STK31: variants seen among roughly 807,000 people sequenced by gnomAD.
STK31 encodes the protein serine/threonine-protein kinase 31.
In STK31, 89 loss-of-function variants were observed where a neutral mutation model predicts 129.7. That is an observed-to-expected ratio of 0.69 (90% confidence interval 0.58 to 0.82). The LOEUF (loss-of-function observed/expected upper bound fraction) is 0.82, where lower values mean the gene tolerates loss of function less well. Among genes scored for constraint, STK31 ranks in the 40% least tolerant of loss-of-function variants. The pLI, the probability that STK31 is intolerant of heterozygous loss-of-function variation, is 0.00. For synonymous variants in STK31, 448 were observed against 395.3 expected (o/e 1.13, Z -1.58); for missense variants, 1,187 against 1,176.4 (o/e 1.01, Z -0.13).
chr7:23,732,519 G>T (rs1157171114), intron 6 of STK31, among the ~76,000 whole-genome samples: 1 of 152,144 alleles, frequency 6.6e-6, no homozygotes, highest in Admixed American at 6.5e-5. Context: ...TTTATTTCAA[G>T]TTCAGGGTTC....
intron 23 of STK31, among the ~76,000 whole-genome samples, chr7:23,818,172 T>G (rs1471652208): frequency 6.6e-6 from 1 of 152,144 alleles, no homozygotes; most frequent in Non-Finnish European, 1.5e-5. Flanking sequence ...GGTTAATATA[T>G]CTCTTAATCT....
At chr7:23,809,726 G>A (rs1792965214) in intron 22 of STK31, among the ~76,000 whole-genome samples, 1 of 152,284 alleles carries the variant, frequency 6.6e-6, no homozygotes, top group South Asian at 2.1e-4. Flanking sequence ...TGTTTACCCA[G>A]TCTTCTATCT....
intron 9 of STK31, among the ~76,000 whole-genome samples, chr7:23,754,015 G>C (rs990046815): frequency 6.6e-6 from 1 of 151,944 alleles, no homozygotes; most frequent in African/African-American, 2.4e-5. Flanking sequence ...GACTTTCGAA[G>C]TTGCCTTTTT....
intron 6 of STK31, among the ~76,000 whole-genome samples, chr7:23,735,140 T>A (rs575668939): frequency 5.9e-5 from 9 of 152,162 alleles, no homozygotes; most frequent in Non-Finnish European, 1.2e-4. Flanking sequence ...TCTAAAACTT[T>A]CAAAGTTTTG....
chr7:23,736,438 A>G (rs1488272232), intron 7 of STK31, among the ~76,000 whole-genome samples: 7 of 152,094 alleles, frequency 4.6e-5, no homozygotes, highest in African/African-American at 7.2e-5. Flanking sequence ...ACAGTCTTCT[A>G]TATCATGGTC....
chr7:23,832,510 A>G lies in STK31; in HGVS notation c.*144A>G. ...AAAATAAAGATGTTTGGCTATGCAC[A>G]AAATAGTTTGTATGCTTTGAACTTT... On this transcript the variant is annotated 3_prime_UTR_variant, in exon 24 of 24. Coordinates refer to ENST00000355870, the MANE Select transcript of STK31 (RefSeq NM_031414.5). 1 of 648,878 alleles carries G rather than the reference A, an allele frequency of 1.5e-6. No individual in the cohort carries two copies. 40.2% of individuals were successfully genotyped at this position (648,878 alleles called of 1,614,324 possible).
chr7:23,772,072 A>C, intron 14 of STK31, 75 bp from the exon 15 acceptor site: 1 of 1,133,866 alleles, frequency 8.8e-7, no homozygotes, highest in Non-Finnish European at 1.2e-6. Flanking sequence ...ATCTTAACAG[A>C]GAAATAATAA....
At chr7:23,749,983 T>A (rs1022068905) in intron 8 of STK31, among the ~76,000 whole-genome samples, 1 of 151,372 alleles carries the variant, frequency 6.6e-6, no homozygotes, top group African/African-American at 2.4e-5. Context: ...CTCAGCAGGT[T>A]AGGCTCTGCT....
chr7:23,714,131 C>T (rs1028059287), intron 3 of STK31, among the ~76,000 whole-genome samples: 2 of 152,058 alleles, frequency 1.3e-5, no homozygotes, highest in African/African-American at 4.8e-5. Context: ...ACCACAATGT[C>T]ACTATGTGGG....
intron 23 of STK31, among the ~76,000 whole-genome samples, chr7:23,830,974 A>G (rs560657489): frequency 6.6e-6 from 1 of 152,016 alleles, no homozygotes; most frequent in African/African-American, 2.4e-5. Flanking sequence ...TTAGTTTTCC[A>G]TTGTGGTCTG....
In STK31 at chr7:23,808,955, G is replaced by A. The variant is rs1792902423; in HGVS notation, c.2761-6189G>A. On this transcript the variant is annotated intron_variant, in intron 22 of 23. Coordinates refer to ENST00000355870, the MANE Select transcript of STK31 (RefSeq NM_031414.5). ...TTTCTTGGAGCTTTTGTGTGTGTGT[G>A]TGTGTGTGTGTGTGTGCCTGTGTCT... is the stretch of plus-strand genomic sequence containing the variant. Among the ~76,000 whole-genome samples, 4 of 137,580 alleles carry A rather than the reference G, an allele frequency of 2.9e-5. No homozygotes were observed. In the South Asian group the frequency reaches 1.0e-3, roughly 35 times the overall value. The allele number at this position is 137,580 out of a possible 152,430, so 90.3% of individuals were successfully genotyped here.
rs138583296 is a variant in STK31, at chr7:23,771,052, A to G, written c.1761A>G (p.Gln587=). ...AGATAATTTCAAATACATATAGTCA[A>G]GTACTGCAAAAGATTCATTCAGAGG... The part of the protein sequence containing the change: ...DKEIISNTYS[Q]VLQKIHSEER... Residue 587 remains glutamine, a synonymous_variant, in exon 14 of 24, where the codon CAA becomes CAG. Transcript: ENST00000355870. 8.8e-5 allele frequency: 142 copies of G among 1,612,864 alleles called. No homozygotes were observed. Among genetic ancestry groups the G allele is most frequent in the Non-Finnish European group, 1.2e-4 (136 of 1,179,378 alleles).
intron 6 of STK31, among the ~76,000 whole-genome samples, chr7:23,730,878 A>ATTTTTTTTTTTT (rs60712892): frequency 1.3e-4 from 8 of 59,534 alleles, no homozygotes; most frequent in Admixed American, 5.4e-4. Context: ...ATATATATAT[A>ATTTTTTTTTTTT]TTTTTTTTTT....
chr7:23,795,236 C>T (rs1791882987), intron 22 of STK31, among the ~76,000 whole-genome samples: 2 of 152,202 alleles, frequency 1.3e-5, no homozygotes, highest in South Asian at 4.1e-4. Flanking sequence ...CTGTGTCCCA[C>T]CTGCTCCAGT....
At chr7:23,769,606 TG>T (rs1790059277) in intron 12 of STK31, 33 bp from the exon 13 acceptor site, 1 of 1,375,174 alleles carries the variant, frequency 7.3e-7, no homozygotes, top group African/African-American at 1.4e-5. Context: ...TTGAATTAAA[TG>T]AGATATTTCA....
intron 11 of STK31, among the ~76,000 whole-genome samples, chr7:23,766,677 G>A (rs183547947): frequency 1.3e-4 from 20 of 152,144 alleles, no homozygotes; most frequent in Non-Finnish European, 2.4e-4. Context: ...TTTATGTTTT[G>A]ACTGAATCTG....
chr7:23,752,693 G>A, intron 8 of STK31, 24 bp from the exon 9 acceptor site: 1 of 1,544,794 alleles, frequency 6.5e-7, no homozygotes, highest in Non-Finnish European at 8.9e-7. Flanking sequence ...GGTCTCACGA[G>A]AATGTGTTTA....
chr7:23,714,435 A>G (rs1786173822), intron 3 of STK31, among the ~76,000 whole-genome samples: 1 of 152,244 alleles, frequency 6.6e-6, no homozygotes, highest in South Asian at 2.1e-4. Flanking sequence ...TAGTAGAAAT[A>G]TATGAGCCAT....
At chr7:23,800,420 A>C (rs938929719) in intron 22 of STK31, among the ~76,000 whole-genome samples, 1 of 152,222 alleles carries the variant, frequency 6.6e-6, no homozygotes, top group Non-Finnish European at 1.5e-5. Flanking sequence ...TGATGAGTTC[A>C]TATCCTTTGC....
Sources: gnomAD v4.1 joint callset for allele counts (sites outside exome capture counted in the v4.1 genomes callset) on GRCh38, gnomAD v4.1.1 for gene constraint, MANE v1.5 for transcripts, NCBI Gene and HGNC (gene_info 2026-07-23, HGNC 2026-07-21) for gene names.